The following SMC2 variants were observed in gnomAD, a reference collection of about 807,000 sequenced individuals.
SMC2 encodes the protein structural maintenance of chromosomes protein 2.
SMC2 carries 41 observed loss-of-function variants against 142.6 expected under a neutral mutation model. The ratio of observed to expected loss-of-function variants is 0.29; its 90% CI spans 0.22 to 0.37. The LOEUF is 0.37. SMC2 is among the 10% of genes least tolerant of loss of function. The probability of loss-of-function intolerance (pLI) is 1.00; values close to 1 mark genes in which losing one functional copy is unlikely to be tolerated. For synonymous variants in SMC2, 463 were observed against 457.5 expected (o/e 1.01, Z -0.15); for missense variants, 1,265 against 1,373.7 (o/e 0.92, Z 1.25).
chr9:104,103,141 C>A (rs1434417182), intron 9 of SMC2, among the ~76,000 whole-genome samples: 1 of 151,906 alleles, frequency 6.6e-6, no homozygotes, highest in East Asian at 1.9e-4. Context: ...AAGGTTGGAG[C>A]CCTGGGATAC....
intron 21 of SMC2, 60 bp from the exon 22 acceptor site, chr9:104,131,949 A>G (rs1327528837): frequency 2.3e-6 from 2 of 870,486 alleles, no homozygotes; most frequent in Admixed American, 2.3e-5. Flanking sequence ...TTCTGACCAA[A>G]TTCCAGAATA....
At position 104,113,954 on chromosome 9, in the gene SMC2, T is replaced by C. The variant is rs973584238; in HGVS notation, c.1415-10T>C. 2.6e-6 allele frequency: 4 copies of C among 1,517,466 alleles called. No homozygotes were observed. The highest frequency in any genetic ancestry group is 3.6e-6 in the Non-Finnish European group (4 of 1,120,912). The allele number at this position is 1,517,466 out of a possible 1,614,324, so 94.0% of individuals were successfully genotyped here. A position where few individuals can be genotyped will look rare whatever the true frequency, so the allele number is the denominator to read the frequency against. On this transcript the variant is annotated splice_polypyrimidine_tract_variant and intron_variant, in intron 11 of 24. Coordinates refer to ENST00000374793, the MANE Select transcript of SMC2 (RefSeq NM_006444.3). ...AACTTGGTTTTAATTTATTATGATT[T>C]ATCCTTCAGAAAATAAAGAGGAAAG...
intron 4 of SMC2, among the ~76,000 whole-genome samples, chr9:104,099,289 A>C (rs1337869795): frequency 1.4e-4 from 22 of 152,116 alleles, no homozygotes; most frequent in Admixed American, 1.4e-3. Context: ...ATTCAAAGAA[A>C]TGTTAAAAGT....
intron 20 of SMC2, among the ~76,000 whole-genome samples, chr9:104,127,935 A>G (rs1188539414): frequency 1.3e-5 from 2 of 152,208 alleles, no homozygotes; most frequent in Non-Finnish European, 2.9e-5. Context: ...AGTATTTGCA[A>G]CTTTATAAAA....
rs149471302 is a variant in SMC2 at position 104,111,759 on chromosome 9, G to T, written c.1199G>T (p.Gly400Val). ...GATGGAGCAGAAGCAACTCTTGCTG[G>T]TCAAATGATGGCCTGTAAAAATGAT... is the stretch of plus-strand genomic sequence containing the variant. ...NEDGAEATLA[G>V]QMMACKNDIS... The change falls in exon 10 of 25, where the codon GGT becomes GTT. Residue 400 changes from glycine (G) to valine (V), a missense_variant. Gly to Val is a moderately radical substitution (Grantham distance 109). Transcript: ENST00000374793. The T allele has an allele frequency of 3.8e-5, 61 of 1,613,904 alleles. No individual in the cohort carries two copies. The highest frequency in any genetic ancestry group is 4.7e-5 in the Non-Finnish European group (55 of 1,179,924).
intron 16 of SMC2, among the ~76,000 whole-genome samples, chr9:104,121,370 C>T (rs1032177374): frequency 1.3e-5 from 2 of 151,920 alleles, no homozygotes; most frequent in Non-Finnish European, 2.9e-5. Flanking sequence ...GTGGCATGTG[C>T]CTGTGGTCTC....
chr9:104,106,484 C>A (rs937262624), intron 9 of SMC2, among the ~76,000 whole-genome samples: 5 of 152,098 alleles, frequency 3.3e-5, no homozygotes, highest in South Asian at 2.1e-4. Context: ...CACTCCACCC[C>A]CCGGGCTGAA....
At chr9:104,099,443 T>G (rs1830863305) in intron 4 of SMC2, among the ~76,000 whole-genome samples, 1 of 152,056 alleles carries the variant, frequency 6.6e-6, no homozygotes, top group African/African-American at 2.4e-5. Context: ...TTTCATAACT[T>G]CCATAATTTG....
At chr9:104,096,071 G>T in intron 2 of SMC2, 77 bp from the exon 3 acceptor site, 1 of 1,383,468 alleles carries the variant, frequency 7.2e-7, no homozygotes, top group Non-Finnish European at 1.0e-6. Flanking sequence ...TTTTCCAACA[G>T]CAAGGGACCC....
chr9:104,109,211 A>G (rs1307369873), intron 9 of SMC2, among the ~76,000 whole-genome samples: 5 of 152,260 alleles, frequency 3.3e-5, no homozygotes, highest in Admixed American at 2.6e-4. Flanking sequence ...GAATTTAGCA[A>G]TTTCCCTCAA....
At chr9:104,139,106 A>T (rs1835849729) in intron 24 of SMC2, 33 bp from the exon 25 acceptor site, 1 of 1,473,360 alleles carries the variant, frequency 6.8e-7, no homozygotes, top group Non-Finnish European at 9.1e-7. Context: ...TATCACAAAA[A>T]GTTTTTTTAT....
chr9:104,117,446 CTA>C (rs1214211788), intron 14 of SMC2, among the ~76,000 whole-genome samples: 2 of 152,140 alleles, frequency 1.3e-5, no homozygotes, highest in African/African-American at 4.8e-5. Flanking sequence ...GAGGTAGCCT[CTA>C]TAAACAAAGG....
upstream of SMC2, among the ~76,000 whole-genome samples, chr9:104,090,757 C>T (rs1314959840): frequency 6.6e-6 from 1 of 152,004 alleles, no homozygotes; most frequent in Non-Finnish European, 1.5e-5. Flanking sequence ...AGAAGAGCAC[C>T]ACATGAGGAA....
At chr9:104,126,166 A>G (rs1050911944) in intron 18 of SMC2, among the ~76,000 whole-genome samples, 5 of 152,118 alleles carry the variant, frequency 3.3e-5, no homozygotes, top group African/African-American at 1.2e-4. Context: ...TCCTGAAACC[A>G]TACTCTCTCC....
intron 11 of SMC2, among the ~76,000 whole-genome samples, chr9:104,113,715 T>C (rs1832752835): frequency 6.6e-6 from 1 of 152,162 alleles, no homozygotes; most frequent in South Asian, 2.1e-4. Flanking sequence ...AAAAATGTCA[T>C]TTGTGTATTT....
intron 23 of SMC2, chr9:104,135,724 A>T (rs1296666478): frequency 2.4e-6 from 1 of 410,008 alleles, no homozygotes; most frequent in African/African-American, 2.1e-5. Flanking sequence ...GAACAAAAAT[A>T]AAAATGACTT....
upstream of SMC2, among the ~76,000 whole-genome samples, chr9:104,093,796 C>T (rs73663496): frequency 0.016 from 2,305 of 140,018 alleles, 63 homozygotes; most frequent in African/African-American, 0.058. Context: ...CCAGAGTCCC[C>T]CGAAGGACGG....
At chr9:104,109,487 T>A (rs923324557) in intron 9 of SMC2, among the ~76,000 whole-genome samples, 1 of 152,236 alleles carries the variant, frequency 6.6e-6, no homozygotes, top group African/African-American at 2.4e-5. Context: ...TTAGTTGCGC[T>A]ACTTTTTTCC....
chr9:104,094,024 C>A (rs550519440), upstream of SMC2, among the ~76,000 whole-genome samples: 6 of 152,130 alleles, frequency 3.9e-5, no homozygotes, highest in Non-Finnish European at 8.8e-5. Context: ...CTAGAGGGAC[C>A]GAGGCGGGGC....
Sources: allele counts gnomAD v4.1 joint callset (sites outside exome capture counted in the v4.1 genomes callset), GRCh38; gene constraint gnomAD v4.1.1; transcripts MANE v1.5; gene names NCBI Gene and HGNC (gene_info 2026-07-23, HGNC 2026-07-21).